The following GRID2 variants were observed in gnomAD, a reference collection of about 807,000 sequenced individuals.
GRID2 encodes the protein glutamate receptor ionotropic, delta-2.
Under a neutral mutation model 114.8 loss-of-function variants are expected in GRID2, and 33 were observed. That is an observed-to-expected ratio of 0.29 (90% CI 0.22 to 0.38). The LOEUF is 0.38. Among genes scored for constraint, GRID2 ranks in the 10% least tolerant of loss-of-function variants. The pLI, the probability that GRID2 is intolerant of heterozygous loss-of-function variation, is 1.00. For synonymous variants in GRID2, 505 were observed against 449.9 expected (o/e 1.12, Z -1.55); for missense variants, 1,184 against 1,257.7 (o/e 0.94, Z 0.89).
intron 1 of GRID2, among the ~76,000 whole-genome samples, chr4:93,806,104 A>C (rs1028877707): frequency 6.6e-6 from 1 of 152,240 alleles, no homozygotes; most frequent in Non-Finnish European, 1.5e-5. Context: ...AAAAATAAAA[A>C]AATAAACAAA....
rs368279995 is a variant in GRID2 at position 92,556,302 on chromosome 4, C to G, written c.89-33829C>G. ...AGGTTGATTCTTCCTTTACCAGACA[C>G]AAAAAAGGGCTTAATTAAAAATTTG... On this transcript the variant is annotated intron_variant, in intron 1 of 15. Transcript: ENST00000282020. Among the ~76,000 whole-genome samples, 27 of 151,772 alleles carry G rather than the reference C, an allele frequency of 1.8e-4. No individual in the cohort carries two copies. The East Asian group carries it at 5.2e-3, about 29-fold the overall frequency.
intron 10 of GRID2, among the ~76,000 whole-genome samples, chr4:93,429,431 G>A (rs1025338687): frequency 2.0e-5 from 3 of 152,064 alleles, no homozygotes; most frequent in Non-Finnish European, 4.4e-5. Context: ...AAATTCCTTT[G>A]GGGTTTATAT....
intron 4 of GRID2, among the ~76,000 whole-genome samples, chr4:93,120,467 C>A (rs954290368): frequency 2.6e-5 from 4 of 152,046 alleles, no homozygotes; most frequent in Non-Finnish European, 5.9e-5. Context: ...AAACCAGAAA[C>A]CATCATTCTC....
intron 2 of GRID2, among the ~76,000 whole-genome samples, chr4:92,865,088 G>A (rs1388077108): frequency 6.6e-6 from 1 of 152,130 alleles, no homozygotes. Flanking sequence ...GGAGATTGTT[G>A]TCTTAACTCG....
intron 14 of GRID2, among the ~76,000 whole-genome samples, chr4:93,677,297 C>G (rs1035942712): frequency 1.3e-5 from 2 of 152,044 alleles, no homozygotes; most frequent in African/African-American, 4.8e-5. Context: ...GGGTGGAGCC[C>G]ACCACAGCTC....
intron 4 of GRID2, 139 bp downstream of exon 4, chr4:93,111,092 A>T: frequency 1.6e-6 from 1 of 627,682 alleles, no homozygotes; most frequent in Middle Eastern, 2.9e-4. Context: ...TGGAGGTAGC[A>T]TAGTGAATGC....
chr4:92,968,812 T>C (rs941124213), intron 2 of GRID2, among the ~76,000 whole-genome samples: 2 of 151,854 alleles, frequency 1.3e-5, no homozygotes, highest in Non-Finnish European at 2.9e-5. Context: ...GTATTTGTGG[T>C]CTTTTTGACT....
Position 92,370,987 on chromosome 4 carries a change from A to C in GRID2, c.88+66243A>C, listed in dbSNP as rs564559550. Among the ~76,000 whole-genome samples the C allele has an allele frequency of 1.4e-3, 212 of 152,308 alleles. 1 individual carries two copies. Among genetic ancestry groups the C allele is most frequent in the Non-Finnish European group, 2.4e-3 (166 of 68,026 alleles). On this transcript the variant is annotated intron_variant, in intron 1 of 15. Transcript: ENST00000282020. ...ACAGCCTTACTGCTGATATGAGGAA[A>C]GTTTTAGTGGTCTGGATAGAAAATA...
intron 1 of GRID2, among the ~76,000 whole-genome samples, chr4:92,460,021 AATAAATCTCACTATATATATATAT>A (rs1174998827): frequency 8.3e-5 from 2 of 24,030 alleles, no homozygotes; most frequent in Non-Finnish European, 1.5e-4. Flanking sequence ...CATTCCTTAA[AATAAATCTCACTATATATATATAT>A]ATATATATAC....
intron 1 of GRID2, among the ~76,000 whole-genome samples, chr4:92,311,059 C>T (rs563303344): frequency 3.9e-5 from 6 of 152,008 alleles, no homozygotes; most frequent in South Asian, 2.1e-4. Flanking sequence ...ATTTTGTTTT[C>T]GTTTTGTCTA....
In GRID2 at chr4:92,481,995, T is replaced by G. The variant is rs1358236938; in HGVS notation, c.89-108136T>G. On this transcript the variant is annotated intron_variant, in intron 1 of 15. Transcript: ENST00000282020. ...GAATAAAATGTGATATATATATATATATATATATATATATATATATATATA... is the reference window on the plus strand; with the variant it reads ...GAATAAAATGTGATATATATATATAGATATATATATATATATATATATATA... 7.8e-5 allele frequency among the ~76,000 whole-genome samples: 4 copies of G among 51,116 alleles called. 1 individual carries two copies. The highest frequency in any genetic ancestry group is 5.6e-4 in the Admixed American group (3 of 5,404). 33.5% of individuals were successfully genotyped at this position (51,116 alleles called of 152,430 possible).
At chr4:92,801,653 T>C (rs1417921113) in intron 2 of GRID2, among the ~76,000 whole-genome samples, 1 of 151,928 alleles carries the variant, frequency 6.6e-6, no homozygotes, top group Non-Finnish European at 1.5e-5. Flanking sequence ...TAAAATATTT[T>C]TGTAATATAA....
chr4:92,410,653 T>G (rs779325442), intron 1 of GRID2, among the ~76,000 whole-genome samples: 1 of 152,260 alleles, frequency 6.6e-6, no homozygotes, highest in Non-Finnish European at 1.5e-5. Context: ...ATTTTAGATG[T>G]GTGATCTTGA....
chr4:92,559,569 C>T (rs1488137203), intron 1 of GRID2, among the ~76,000 whole-genome samples: 1 of 152,120 alleles, frequency 6.6e-6, no homozygotes, highest in Non-Finnish European at 1.5e-5. Context: ...TTATCAACTT[C>T]ACCACTTTAT....
chr4:93,749,802 A>T (rs1394372536), intron 14 of GRID2, among the ~76,000 whole-genome samples: 2 of 152,226 alleles, frequency 1.3e-5, no homozygotes, highest in African/African-American at 2.4e-5. Context: ...GCCAAAAACA[A>T]AACAAAACAA....
At chr4:92,896,982 T>G (rs565173259) in intron 2 of GRID2, among the ~76,000 whole-genome samples, 1 of 152,180 alleles carries the variant, frequency 6.6e-6, no homozygotes, top group African/African-American at 2.4e-5. Context: ...CCTCAAGTGA[T>G]CCACCTTCCT....
chr4:92,483,683 C>T (rs893012063), intron 1 of GRID2, among the ~76,000 whole-genome samples: 4 of 151,988 alleles, frequency 2.6e-5, no homozygotes, highest in South Asian at 4.1e-4. Context: ...GAAGTAGATA[C>T]GGAAGGTGTA....
At chr4:92,394,656 T>C (rs1730408549) in intron 1 of GRID2, among the ~76,000 whole-genome samples, 1 of 151,982 alleles carries the variant, frequency 6.6e-6, no homozygotes, top group East Asian at 1.9e-4. Flanking sequence ...CAATAAATAC[T>C]TTTTATTCTA....
intron 2 of GRID2, among the ~76,000 whole-genome samples, chr4:92,866,862 C>T (rs1744908274): frequency 6.6e-6 from 1 of 152,110 alleles, no homozygotes; most frequent in African/African-American, 2.4e-5. Context: ...ATGTTATCCT[C>T]TTTTTGATAG....
Sources: gnomAD v4.1 joint callset for allele counts (sites outside exome capture counted in the v4.1 genomes callset) on GRCh38, gnomAD v4.1.1 for gene constraint, MANE v1.5 for transcripts, NCBI Gene and HGNC (gene_info 2026-07-23, HGNC 2026-07-21) for gene names.